The following MOXD1 variants were observed in gnomAD, a reference collection of about 807,000 sequenced individuals.
MOXD1 encodes the protein DBH-like monooxygenase protein 1.
In MOXD1, 62 loss-of-function variants were observed where a neutral mutation model predicts 66.6. The ratio of observed to expected loss-of-function variants is 0.93; its 90% CI spans 0.76 to 1.15. MOXD1 has a LOEUF of 1.15. MOXD1 is among the 50% of genes most tolerant of loss of function. MOXD1 has a pLI of 0.00. For missense variants in MOXD1, 847 were observed against 754.6 expected, an observed-to-expected ratio of 1.12 and a Z score of -1.44; for synonymous variants, 303 against 281.9, an observed-to-expected ratio of 1.07 and a Z score of -0.75.
chr6:132,340,848 G>A (rs938312315), intron 4 of MOXD1, among the ~76,000 whole-genome samples: 2 of 151,674 alleles, frequency 1.3e-5, no homozygotes, highest in East Asian at 1.9e-4. Context: ...GGGTTTCATC[G>A]TGTTAGCCAG....
intron 10 of MOXD1, among the ~76,000 whole-genome samples, chr6:132,304,005 A>T (rs1375887121): frequency 6.6e-6 from 1 of 151,584 alleles, no homozygotes; most frequent in East Asian, 2.0e-4. Context: ...ATCTTGAGAT[A>T]GGAAGGGACT....
intron 4 of MOXD1, among the ~76,000 whole-genome samples, chr6:132,359,526 G>T (rs1326382036): frequency 1.5e-5 from 2 of 130,648 alleles, no homozygotes; most frequent in South Asian, 2.3e-4. Context: ...TCGCTCTGTC[G>T]CCCAGGCTGG....
Position 132,303,806 on chromosome 6 carries a change from CATGTGTGTGT to C in MOXD1, c.1509-5861_1509-5852del, listed in dbSNP as rs755717380. Among the ~76,000 whole-genome samples, 765 of 91,184 alleles carry C rather than the reference CATGTGTGTGT, an allele frequency of 8.4e-3. 17 individuals are homozygous for C. The highest frequency in any genetic ancestry group is 0.047 in the East Asian group (101 of 2,152). The allele number at this position is 91,184 out of a possible 152,430, so 59.8% of individuals were successfully genotyped here. A position where few individuals can be genotyped will look rare whatever the true frequency, so the allele number is the denominator to read the frequency against. On this transcript the variant is annotated intron_variant, in intron 10 of 11. Transcript: ENST00000367963. ...ACACATATATACATATATACACACA[CATGTGTGTGT>C]GTGTGTGTGTGTGTGTGTGTATATA...
chr6:132,317,831 TCTTAATA>T (rs1276900657), intron 9 of MOXD1, among the ~76,000 whole-genome samples: 1 of 152,138 alleles, frequency 6.6e-6, no homozygotes, highest in African/African-American at 2.4e-5. Flanking sequence ...GTGATTACTA[TCTTAATA>T]TTTTATCTTT....
intron 10 of MOXD1, among the ~76,000 whole-genome samples, chr6:132,306,571 A>AAGGTCAAAATGG (rs1292995795): frequency 2.0e-5 from 3 of 152,192 alleles, no homozygotes; most frequent in African/African-American, 7.2e-5. Context: ...CAGATTCTCC[A>AAGGTCAAAATGG]AGGTCAAAAT....
intron 4 of MOXD1, among the ~76,000 whole-genome samples, chr6:132,370,705 A>G (rs1776247028): frequency 6.6e-6 from 1 of 152,106 alleles, no homozygotes; most frequent in African/African-American, 2.4e-5. Flanking sequence ...TTTGTTGTCT[A>G]GAAGACCTCC....
chr6:132,373,904 T>C (rs994207289), intron 2 of MOXD1, among the ~76,000 whole-genome samples: 4 of 152,298 alleles, frequency 2.6e-5, no homozygotes, highest in African/African-American at 9.6e-5. Context: ...TAAAAAGTAA[T>C]CCCTCTCTTT....
intron 1 of MOXD1, among the ~76,000 whole-genome samples, chr6:132,379,843 C>T (rs1776474270): frequency 6.6e-6 from 1 of 152,068 alleles, no homozygotes. Context: ...TTTTTTGAGA[C>T]AGGGTCTCAC....
chr6:132,299,534 GA>G (rs1562274916), intron 10 of MOXD1, among the ~76,000 whole-genome samples: 1 of 152,054 alleles, frequency 6.6e-6, no homozygotes, highest in South Asian at 2.1e-4. Context: ...TTCAAGAAAG[GA>G]AAAAGAAATC....
chr6:132,357,052 GA>G (rs945963927), intron 4 of MOXD1, among the ~76,000 whole-genome samples: 4 of 151,842 alleles, frequency 2.6e-5, no homozygotes, highest in East Asian at 1.9e-4. Flanking sequence ...GTTCTCTAGA[GA>G]AAAAAACTCC....
At chr6:132,367,763 G>A (rs888651694) in intron 4 of MOXD1, among the ~76,000 whole-genome samples, 1 of 152,056 alleles carries the variant, frequency 6.6e-6, no homozygotes, top group African/African-American at 2.4e-5. Flanking sequence ...CCATTAGGAG[G>A]CACCATTTCC....
At chr6:132,346,713 T>C (rs947122625) in intron 4 of MOXD1, among the ~76,000 whole-genome samples, 4 of 152,364 alleles carry the variant, frequency 2.6e-5, no homozygotes, top group Middle Eastern at 3.4e-3. Context: ...CTTTAAATCA[T>C]ATTTTTTTGC....
intron 7 of MOXD1, 80 bp downstream of exon 7, chr6:132,323,851 T>C: frequency 1.4e-6 from 2 of 1,382,100 alleles, no homozygotes; most frequent in Non-Finnish European, 9.7e-7. Context: ...ATAATAAACA[T>C]GTGCGGAATT....
chr6:132,316,842 G>A (rs1301566162), intron 9 of MOXD1, among the ~76,000 whole-genome samples: 1 of 151,936 alleles, frequency 6.6e-6, no homozygotes, highest in East Asian at 1.9e-4. Context: ...AGAATGAGAG[G>A]AAGAAGACAA....
At chr6:132,375,923 A>T (rs1240524479) in intron 1 of MOXD1, among the ~76,000 whole-genome samples, 1 of 152,206 alleles carries the variant, frequency 6.6e-6, no homozygotes, top group African/African-American at 2.4e-5. Context: ...AAATAAACAA[A>T]TGAGATGGTT....
At position 132,362,202 on chromosome 6, in the gene MOXD1, C is replaced by A. The variant is rs151151822; in HGVS notation, c.663+10406G>T. On this transcript the variant is annotated intron_variant, in intron 4 of 11. Transcript: ENST00000367963. Reference sequence around the variant, plus strand: ...GCAACACACAAAAATTATCTGAATTCCTTTCAAAATTTTAAGAAAATCTTT... The same window carrying A: ...GCAACACACAAAAATTATCTGAATTACTTTCAAAATTTTAAGAAAATCTTT... Among the ~76,000 whole-genome samples the A allele has an allele frequency of 2.8e-3, 421 of 152,046 alleles. 3 individuals carry two copies. Among genetic ancestry groups the A allele is most frequent in the African/African-American group, 9.6e-3 (398 of 41,504 alleles).
At chr6:132,338,736 T>G (rs1775490760) in intron 4 of MOXD1, among the ~76,000 whole-genome samples, 1 of 152,234 alleles carries the variant, frequency 6.6e-6, no homozygotes, top group Admixed American at 6.5e-5. Context: ...GTTTGATTCT[T>G]GCTTTATTAT....
intron 9 of MOXD1, among the ~76,000 whole-genome samples, chr6:132,318,512 A>G (rs1256289609): frequency 6.6e-6 from 1 of 151,894 alleles, no homozygotes; most frequent in Non-Finnish European, 1.5e-5. Flanking sequence ...ATCCTCTTTT[A>G]TTGTATGCTT....
chr6:132,384,100 T>C (rs1404398127), intron 1 of MOXD1, among the ~76,000 whole-genome samples: 3 of 152,154 alleles, frequency 2.0e-5, no homozygotes, highest in Non-Finnish European at 4.4e-5. Context: ...ACTGGTTATG[T>C]CTATTTTTTG....
Sources: gnomAD v4.1 joint callset for allele counts (sites outside exome capture counted in the v4.1 genomes callset) on GRCh38, gnomAD v4.1.1 for gene constraint, MANE v1.5 for transcripts, NCBI Gene and HGNC (gene_info 2026-07-23, HGNC 2026-07-21) for gene names.